The following MAGI3 variants were observed in gnomAD, a reference collection of about 807,000 sequenced individuals.
The protein encoded by MAGI3 is membrane-associated guanylate kinase, WW and PDZ domain-containing protein 3.
In MAGI3, 43 loss-of-function variants were observed where a neutral mutation model predicts 121.8. The ratio of observed to expected loss-of-function variants is 0.35; its 90% CI spans 0.28 to 0.46. The LOEUF is 0.46. Among genes scored for constraint, MAGI3 ranks in the 20% least tolerant of loss-of-function variants. The pLI is 1.00. For synonymous variants in MAGI3, 553 were observed against 639.3 expected (o/e 0.86, Z 2.04); for missense variants, 1,547 against 1,797.3 (o/e 0.86, Z 2.52).
intron 9 of MAGI3, among the ~76,000 whole-genome samples, chr1:113,634,376 C>T (rs539447618): frequency 1.6e-4 from 24 of 152,228 alleles, no homozygotes; most frequent in Non-Finnish European, 2.5e-4. Context: ...TTAGGTCTAA[C>T]GTTTAAGTCT....
chr1:113,507,276 G>A (rs1657380042), intron 1 of MAGI3, among the ~76,000 whole-genome samples: 1 of 152,160 alleles, frequency 6.6e-6, no homozygotes, highest in Non-Finnish European at 1.5e-5. Flanking sequence ...TGTACTGTAA[G>A]TGGCATTAGA....
intron 1 of MAGI3, among the ~76,000 whole-genome samples, chr1:113,493,511 G>T (rs2101585703): frequency 6.6e-6 from 1 of 152,082 alleles, no homozygotes; most frequent in East Asian, 1.9e-4. Context: ...CTGCAATAAA[G>T]GTAAAAATTG....
At chr1:113,675,340 T>C (rs1647807049) in intron 19 of MAGI3, among the ~76,000 whole-genome samples, 1 of 152,170 alleles carries the variant, frequency 6.6e-6, no homozygotes, top group African/African-American at 2.4e-5. Context: ...ACAACAAGTA[T>C]CCTTTAAATG....
At chr1:113,557,691 C>T (rs1660055920) in intron 2 of MAGI3, among the ~76,000 whole-genome samples, 1 of 152,170 alleles carries the variant, frequency 6.6e-6, no homozygotes, top group South Asian at 2.1e-4. Flanking sequence ...TGAAGGGATC[C>T]CCAACACAAC....
chr1:113,421,095 C>G (rs1456152664), intron 1 of MAGI3, among the ~76,000 whole-genome samples: 1 of 151,966 alleles, frequency 6.6e-6, no homozygotes, highest in Non-Finnish European at 1.5e-5. Context: ...ATTTTCTAAC[C>G]AGTCTGGCAT....
intron 1 of MAGI3, among the ~76,000 whole-genome samples, chr1:113,475,216 G>A (rs552834117): frequency 3.9e-5 from 6 of 152,228 alleles, no homozygotes; most frequent in Non-Finnish European, 7.4e-5. Flanking sequence ...TTTCTGAACC[G>A]AATACCCTTT....
In MAGI3 at chr1:113,659,073, C is replaced by T. The variant is rs774721908; in HGVS notation, c.2630-7C>T. The T allele has an allele frequency of 4.5e-6, 7 of 1,572,040 alleles. No individual in the cohort carries two copies. The highest frequency in any genetic ancestry group is 6.0e-6 in the Non-Finnish European group (7 of 1,160,186). ...AATTGAAAAACCTGGGGTTTTTTTT[C>T]CCATAGTTATTCCTCATAAAATTGG... On this transcript the variant is annotated splice_polypyrimidine_tract_variant and splice_region_variant and intron_variant, in intron 15 of 20. Transcript: ENST00000307546.
chr1:113,429,436 G>A (rs1653187116), intron 1 of MAGI3, among the ~76,000 whole-genome samples: 1 of 152,188 alleles, frequency 6.6e-6, no homozygotes, highest in Non-Finnish European at 1.5e-5. Context: ...GGTGGCTCAG[G>A]AGCCCCTGTT....
chr1:113,667,265 T>C (rs1251562960), intron 16 of MAGI3, among the ~76,000 whole-genome samples: 1 of 152,252 alleles, frequency 6.6e-6, no homozygotes, highest in Non-Finnish European at 1.5e-5. Flanking sequence ...CTGTTTTGTC[T>C]ACCTTGAAAA....
rs539487902 is a variant in MAGI3 at position 113,619,848 on chromosome 1, T to A, written c.1171+18T>A. On this transcript the variant is annotated intron_variant, in intron 8 of 20. Coordinates refer to ENST00000307546, the MANE Select transcript of MAGI3 (RefSeq NM_001142782.2). ...AAAACCAGGTAAGCATTCTTTTCAA[T>A]CTTTTCTTCTAAGAATAACTTGTGA... is the stretch of plus-strand genomic sequence containing the variant. The A allele has an allele frequency of 6.5e-7, 1 of 1,540,690 alleles. No homozygotes were observed. Among genetic ancestry groups the A allele is most frequent in the East Asian group, 2.2e-5 (1 of 44,448 alleles).
intron 19 of MAGI3, among the ~76,000 whole-genome samples, chr1:113,677,363 T>C (rs1365428442): frequency 6.6e-6 from 1 of 152,210 alleles, no homozygotes; most frequent in Non-Finnish European, 1.5e-5. Flanking sequence ...TTATCCCCAC[T>C]TACAGATTTA....
chr1:113,651,580 C>T (rs1653170811), intron 14 of MAGI3, among the ~76,000 whole-genome samples: 1 of 152,250 alleles, frequency 6.6e-6, no homozygotes, highest in Non-Finnish European at 1.5e-5. Context: ...GCAACCTCCA[C>T]CTCTTGGGTT....
At chr1:113,618,241 G>A (rs984595282) in intron 7 of MAGI3, among the ~76,000 whole-genome samples, 1 of 152,020 alleles carries the variant, frequency 6.6e-6, no homozygotes, top group Non-Finnish European at 1.5e-5. Context: ...GGAGGCTGAG[G>A]TGGGAATATC....
intron 1 of MAGI3, among the ~76,000 whole-genome samples, chr1:113,510,648 G>A (rs900101321): frequency 5.9e-5 from 9 of 152,086 alleles, no homozygotes; most frequent in Non-Finnish European, 1.2e-4. Flanking sequence ...TGACATTCCT[G>A]CTGAAATATC....
At chr1:113,485,906 T>G (rs1001562866) in intron 1 of MAGI3, among the ~76,000 whole-genome samples, 2 of 152,224 alleles carry the variant, frequency 1.3e-5, no homozygotes, top group Non-Finnish European at 2.9e-5. Flanking sequence ...CCTGGCACTA[T>G]TTGTTGAATA....
At chr1:113,480,049 T>C (rs188709709) in intron 1 of MAGI3, among the ~76,000 whole-genome samples, 54 of 152,350 alleles carry the variant, frequency 3.5e-4, no homozygotes, top group African/African-American at 1.3e-3. Flanking sequence ...CTCACTGAGC[T>C]TCATTAAGAT....
chr1:113,522,359 T>G (rs1468354444), intron 1 of MAGI3, among the ~76,000 whole-genome samples: 1 of 152,194 alleles, frequency 6.6e-6, no homozygotes, highest in Non-Finnish European at 1.5e-5. Flanking sequence ...CCTGCCTCAA[T>G]CTCCCAAAGT....
chr1:113,512,173 G>A (rs531113398), intron 1 of MAGI3, among the ~76,000 whole-genome samples: 14 of 152,198 alleles, frequency 9.2e-5, no homozygotes, highest in Admixed American at 3.9e-4. Context: ...GCAGGACTAC[G>A]GGAGTCATAA....
At chr1:113,480,713 G>GGT (rs1656069540) in intron 1 of MAGI3, among the ~76,000 whole-genome samples, 1 of 152,142 alleles carries the variant, frequency 6.6e-6, no homozygotes, top group Non-Finnish European at 1.5e-5. Flanking sequence ...GCTTCACTGA[G>GGT]GTGCTATACT....
Sources: gnomAD v4.1 joint callset for allele counts (sites outside exome capture counted in the v4.1 genomes callset) on GRCh38, gnomAD v4.1.1 for gene constraint, MANE v1.5 for transcripts, NCBI Gene and HGNC (gene_info 2026-07-23, HGNC 2026-07-21) for gene names.